The following DIAPH2 variants were observed in gnomAD, a reference collection of about 807,000 sequenced individuals.
DIAPH2 encodes the protein diaphanous related formin 2.
In DIAPH2, 35 loss-of-function variants were observed where a neutral mutation model predicts 92.7. The observed-to-expected ratio is 0.38, with a 90% CI of 0.29 to 0.50. DIAPH2 has a LOEUF of 0.50. DIAPH2 is among the 20% of genes least tolerant of loss of function. DIAPH2 has a pLI of 0.94. For synonymous variants in DIAPH2, 301 were observed against 280.4 expected, an observed-to-expected ratio of 1.07 and a Z score of -0.73; for missense variants, 701 against 819.5, an observed-to-expected ratio of 0.86 and a Z score of 1.77.
chrX:96,863,963 G>A (rs756160391), intron 4 of DIAPH2, among the ~76,000 whole-genome samples: 1 of 110,786 alleles, frequency 9.0e-6, no homozygotes, highest in Non-Finnish European at 1.9e-5. Flanking sequence ...CTCCGGATGG[G>A]GAGGTGGGAG....
intron 26 of DIAPH2, among the ~76,000 whole-genome samples, chrX:97,488,199 G>T (rs773199888): frequency 2.7e-5 from 3 of 111,315 alleles, no homozygotes; most frequent in Non-Finnish European, 5.7e-5. Context: ...CTCCATGTTG[G>T]TCAGGCTGGT....
At chrX:97,276,716 G>A (rs1045266038) in intron 23 of DIAPH2, among the ~76,000 whole-genome samples, 1 of 112,142 alleles carries the variant, frequency 8.9e-6, no homozygotes, top group Non-Finnish European at 1.9e-5. Flanking sequence ...CACTTAAATG[G>A]CTCATCATGA....
At chrX:96,943,047 C>T (rs1372833501) in intron 13 of DIAPH2, among the ~76,000 whole-genome samples, 1 of 109,324 alleles carries the variant, frequency 9.1e-6, no homozygotes, top group Non-Finnish European at 1.9e-5. Context: ...AAGTGACAAA[C>T]CACCAATCAC....
intron 24 of DIAPH2, among the ~76,000 whole-genome samples, chrX:97,363,181 G>A (rs2069342068): frequency 8.9e-6 from 1 of 112,007 alleles, no homozygotes; most frequent in South Asian, 3.7e-4. Flanking sequence ...TAGAAGCCCG[G>A]CATATTGTCT....
intron 26 of DIAPH2, among the ~76,000 whole-genome samples, chrX:97,504,153 A>T (rs967594961): frequency 8.9e-6 from 1 of 112,159 alleles, no homozygotes; most frequent in African/African-American, 3.2e-5. Context: ...AATGGGAGCT[A>T]TGTTTATAAT....
At chrX:96,691,422 T>A (rs953780735) in intron 1 of DIAPH2, among the ~76,000 whole-genome samples, 1 of 112,255 alleles carries the variant, frequency 8.9e-6, no homozygotes, top group Non-Finnish European at 1.9e-5. Context: ...AAAGAAAGAT[T>A]AAGATATATT....
intron 17 of DIAPH2, among the ~76,000 whole-genome samples, chrX:97,052,803 G>A (rs1177421215): frequency 2.7e-5 from 3 of 111,235 alleles, no homozygotes; most frequent in Admixed American, 9.5e-5. Context: ...CTATTTTAGG[G>A]CCTAGCATGA....
intron 26 of DIAPH2, among the ~76,000 whole-genome samples, chrX:97,531,214 T>C (rs1421580680): frequency 8.9e-6 from 1 of 111,801 alleles, no homozygotes; most frequent in Admixed American, 9.5e-5. Context: ...TCTTCCCCCT[T>C]TCCCATTCCT....
At chrX:97,407,150 A>C (rs1224799551) in intron 25 of DIAPH2, among the ~76,000 whole-genome samples, 1 of 111,795 alleles carries the variant, frequency 8.9e-6, no homozygotes, top group Non-Finnish European at 1.9e-5. Context: ...TCTAAACAGT[A>C]GAAACTTGGC....
chrX:97,159,093 T>A (rs955672470), intron 22 of DIAPH2, among the ~76,000 whole-genome samples: 1 of 112,187 alleles, frequency 8.9e-6, no homozygotes, highest in Non-Finnish European at 1.9e-5. Flanking sequence ...GTGAGTTATA[T>A]CTGAACAAAA....
At chrX:96,964,369 G>A (rs2065882099) in intron 16 of DIAPH2, among the ~76,000 whole-genome samples, 1 of 111,905 alleles carries the variant, frequency 8.9e-6, no homozygotes, top group African/African-American at 3.2e-5. Flanking sequence ...CTGTGTTAAT[G>A]TAGTCGTATG....
At chrX:96,995,742 C>CT (rs1164405949) in intron 17 of DIAPH2, among the ~76,000 whole-genome samples, 55 of 103,339 alleles carry the variant, frequency 5.3e-4, no homozygotes, top group African/African-American at 1.3e-3. Flanking sequence ...AGTATATTTT[C>CT]TTTTTTTTTT....
chrX:97,226,862 A>T (rs2067969718), intron 22 of DIAPH2, among the ~76,000 whole-genome samples: 1 of 112,124 alleles, frequency 8.9e-6, no homozygotes, highest in Non-Finnish European at 1.9e-5. Context: ...ACAATACAGA[A>T]AATGTTAATA....
At chrX:97,420,511 A>T (rs749211152) in intron 25 of DIAPH2, among the ~76,000 whole-genome samples, 1 of 112,008 alleles carries the variant, frequency 8.9e-6, no homozygotes, top group Non-Finnish European at 1.9e-5. Flanking sequence ...TATGAAGTTT[A>T]TCTGGGATTT....
At chrX:97,021,357 C>G (rs1038744094) in intron 17 of DIAPH2, among the ~76,000 whole-genome samples, 3 of 111,514 alleles carry the variant, frequency 2.7e-5, no homozygotes, top group African/African-American at 9.8e-5. Context: ...TGCTACCACG[C>G]CCTGCTCCTT....
chrX:97,388,000 G>A (rs927693740), intron 25 of DIAPH2, among the ~76,000 whole-genome samples: 1 of 111,800 alleles, frequency 8.9e-6, no homozygotes, highest in South Asian at 3.8e-4. Flanking sequence ...TAACCATATC[G>A]GCTTGGGGAT....
chrX:97,105,250 T>G (rs1374828370), intron 20 of DIAPH2, among the ~76,000 whole-genome samples: 2 of 111,041 alleles, frequency 1.8e-5, no homozygotes, highest in African/African-American at 6.6e-5. Flanking sequence ...ACCTTTTGGG[T>G]TTTTTTAGCA....
At chrX:97,114,345 C>A (rs918205289) in intron 20 of DIAPH2, among the ~76,000 whole-genome samples, 3 of 111,727 alleles carry the variant, frequency 2.7e-5, no homozygotes, top group Non-Finnish European at 3.8e-5. Context: ...CATCTTTTAT[C>A]TGCGGCCCAA....
intron 23 of DIAPH2, among the ~76,000 whole-genome samples, chrX:97,269,112 C>T (rs774788250): frequency 2.7e-5 from 3 of 111,746 alleles, no homozygotes; most frequent in East Asian, 5.6e-4. Context: ...GCATCCGCCT[C>T]CCAGAGTGCT....
Sources: allele counts gnomAD v4.1 joint callset (sites outside exome capture counted in the v4.1 genomes callset), GRCh38; gene constraint gnomAD v4.1.1; transcripts MANE v1.5; gene names NCBI Gene and HGNC (gene_info 2026-07-23, HGNC 2026-07-21).